Variants in PCDH7 observed in about 807,000 individuals in gnomAD.
The protein encoded by PCDH7 is protocadherin-7.
In PCDH7, 17 loss-of-function variants were observed where a neutral mutation model predicts 58.9. That is an observed-to-expected ratio of 0.29 (90% CI 0.20 to 0.43). The LOEUF is 0.43. Ranked by LOEUF, PCDH7 falls within the 20% of genes least tolerant of loss-of-function variation. The pLI, the probability that PCDH7 is intolerant of heterozygous loss-of-function variation, is 1.00. For synonymous variants in PCDH7, 664 were observed against 616.4 expected (o/e 1.08, Z -1.14); for missense variants, 1,274 against 1,441.0 (o/e 0.88, Z 1.88).
intron 1 of PCDH7, among the ~76,000 whole-genome samples, chr4:30,893,749 A>G (rs1369751691): frequency 6.6e-6 from 1 of 152,104 alleles, no homozygotes; most frequent in Non-Finnish European, 1.5e-5. Context: ...AACAAAATCT[A>G]TTATTTACTT....
At chr4:30,992,427 AG>A (rs1422748179) in intron 3 of PCDH7, among the ~76,000 whole-genome samples, 7 of 152,162 alleles carry the variant, frequency 4.6e-5, no homozygotes, top group Non-Finnish European at 1.0e-4. Context: ...TTATACCGTT[AG>A]GGGGAAATGG....
chr4:31,104,830 A>G (rs1371556021), intron 3 of PCDH7, among the ~76,000 whole-genome samples: 2 of 152,190 alleles, frequency 1.3e-5, no homozygotes, highest in Non-Finnish European at 2.9e-5. Context: ...GTATTGATCA[A>G]TTAGTGCCAG....
chr4:31,025,998 C>T (rs886361601), intron 3 of PCDH7, among the ~76,000 whole-genome samples: 2 of 152,144 alleles, frequency 1.3e-5, no homozygotes, highest in African/African-American at 2.4e-5. Flanking sequence ...TTTTGAATTT[C>T]ACATAGCTAT....
intron 3 of PCDH7, among the ~76,000 whole-genome samples, chr4:30,994,248 A>AT: frequency 6.6e-6 from 1 of 152,344 alleles, no homozygotes; most frequent in Non-Finnish European, 1.5e-5. Context: ...AGTATAAGAA[A>AT]TGGAAAGCTG....
chr4:30,845,869 A>G (rs1731874022), intron 1 of PCDH7, among the ~76,000 whole-genome samples: 1 of 152,162 alleles, frequency 6.6e-6, no homozygotes, highest in Non-Finnish European at 1.5e-5. Flanking sequence ...TTGGGATTAC[A>G]GGTGTAAACC....
chr4:30,945,500 G>T (rs1195739114), intron 2 of PCDH7, among the ~76,000 whole-genome samples: 1 of 151,926 alleles, frequency 6.6e-6, no homozygotes, highest in Non-Finnish European at 1.5e-5. Context: ...TAAATGAGCT[G>T]TATATAGAAT....
intron 1 of PCDH7, among the ~76,000 whole-genome samples, chr4:30,770,539 G>T (rs1721267203): frequency 6.6e-6 from 1 of 152,162 alleles, no homozygotes; most frequent in South Asian, 2.1e-4. Flanking sequence ...ATGATAGCTT[G>T]TACATTTCTG....
At chr4:30,811,354 C>G (rs976167294) in intron 1 of PCDH7, among the ~76,000 whole-genome samples, 1 of 152,118 alleles carries the variant, frequency 6.6e-6, no homozygotes, top group African/African-American at 2.4e-5. Flanking sequence ...TGTGGAGGAA[C>G]TCACAGTAAG....
intron 1 of PCDH7, among the ~76,000 whole-genome samples, chr4:30,874,436 A>T (rs1736020571): frequency 1.3e-5 from 2 of 151,938 alleles, no homozygotes; most frequent in Non-Finnish European, 2.9e-5. Context: ...AAACTATTGC[A>T]AGGACAAAAA....
At chr4:30,881,115 C>T (rs1205052340) in intron 1 of PCDH7, among the ~76,000 whole-genome samples, 3 of 152,086 alleles carry the variant, frequency 2.0e-5, no homozygotes, top group African/African-American at 7.2e-5. Context: ...TAGAACATCT[C>T]CTCAGTCTTG....
chr4:30,754,946 G>T (rs1045428091), intron 1 of PCDH7, among the ~76,000 whole-genome samples: 1 of 152,144 alleles, frequency 6.6e-6, no homozygotes, highest in African/African-American at 2.4e-5. Flanking sequence ...GGCAAGGTGT[G>T]TGTAGGCTGA....
At chr4:31,026,588 A>G (rs1754453267) in intron 3 of PCDH7, among the ~76,000 whole-genome samples, 1 of 152,250 alleles carries the variant, frequency 6.6e-6, no homozygotes, top group Non-Finnish European at 1.5e-5. Context: ...GCAAATATGT[A>G]TTAGCATACA....
intron 1 of PCDH7, among the ~76,000 whole-genome samples, chr4:30,728,221 T>C (rs1714908287): frequency 6.7e-6 from 1 of 150,094 alleles, no homozygotes; most frequent in Admixed American, 6.7e-5. Context: ...TATTAAGCAA[T>C]AAGAAAACTA....
intron 3 of PCDH7, among the ~76,000 whole-genome samples, chr4:31,051,789 A>C (rs1459865385): frequency 2.0e-5 from 3 of 146,748 alleles, no homozygotes; most frequent in Non-Finnish European, 4.4e-5. Context: ...CTTAAGTAGG[A>C]GCAGACTTGA....
intron 1 of PCDH7, among the ~76,000 whole-genome samples, chr4:30,842,474 T>G (rs1364297797): frequency 6.6e-6 from 1 of 152,186 alleles, no homozygotes; most frequent in African/African-American, 2.4e-5. Flanking sequence ...CACCACATTT[T>G]AAGTGCTTAT....
chr4:30,871,889 T>G (rs1735650045), intron 1 of PCDH7, among the ~76,000 whole-genome samples: 1 of 152,044 alleles, frequency 6.6e-6, no homozygotes, highest in African/African-American at 2.4e-5. Context: ...TGCAGCTGCA[T>G]TGCTCCAAAG....
chr4:30,957,100 A>G (rs1747942236), intron 3 of PCDH7, among the ~76,000 whole-genome samples: 1 of 152,126 alleles, frequency 6.6e-6, no homozygotes, highest in South Asian at 2.1e-4. Context: ...GCTTATCACC[A>G]CCATCTCATG....
chr4:31,048,726 A>AG (rs1472027447), intron 3 of PCDH7, among the ~76,000 whole-genome samples: 4 of 149,276 alleles, frequency 2.7e-5, no homozygotes, highest in South Asian at 2.1e-4. Context: ...AGAGAGAGAG[A>AG]AAAAAAAAAG....
At chr4:30,769,641 C>G (rs990122521) in intron 1 of PCDH7, among the ~76,000 whole-genome samples, 2 of 152,148 alleles carry the variant, frequency 1.3e-5, no homozygotes, top group Non-Finnish European at 1.5e-5. Context: ...TTTTGAGGAT[C>G]TTAATGCATT....
Sources: allele counts gnomAD v4.1 joint callset (sites outside exome capture counted in the v4.1 genomes callset), GRCh38; gene constraint gnomAD v4.1.1; transcripts MANE v1.5; gene names NCBI Gene and HGNC (gene_info 2026-07-23, HGNC 2026-07-21).